The following TTC12 variants were observed in gnomAD, a reference collection of about 807,000 sequenced individuals.
The protein encoded by TTC12 is tetratricopeptide repeat domain 12.
A neutral mutation model predicts 90.1 loss-of-function variants in TTC12; 70 were observed. The ratio of observed to expected loss-of-function variants is 0.78; its 90% CI spans 0.64 to 0.95. The LOEUF (loss-of-function observed/expected upper bound fraction) is 0.95, where lower values mean the gene tolerates loss of function less well. Among genes scored for constraint, TTC12 ranks in the 40% least tolerant of loss-of-function variants. TTC12 has a pLI of 0.00. For missense variants in TTC12, 819 were observed against 846.1 expected (o/e 0.97, Z 0.40); for synonymous variants, 296 against 311.5 (o/e 0.95, Z 0.53).
At chr11:113,365,452 C>G (rs1022953533) in intron 21 of TTC12, 2 of 227,232 alleles carry the variant, frequency 8.8e-6, no homozygotes, top group African/African-American at 4.4e-5. Flanking sequence ...CAGAAACAGA[C>G]CCCCCACTTC....
rs781864891 is a variant in TTC12, at chr11:113,338,801, GA to G, written c.607del (p.Ile203Ter). On this transcript the variant is annotated frameshift_variant, in exon 9 of 22. Transcript: ENST00000529221. LOFTEE classifies it high-confidence loss of function. ...TAGAGAGTGTTATAAGAAGATCTTA[GA>G]AATAAACCCCAAGCTGCAAACCCAG... The part of the protein sequence containing the change: ...VSRECYKKIL[E>X]INPKLQTQVK... 2 of 1,614,002 alleles carry G rather than the reference GA, an allele frequency of 1.2e-6. No homozygotes were observed. Among genetic ancestry groups the G allele is most frequent in the Non-Finnish European group, 1.7e-6 (2 of 1,179,912 alleles).
intron 16 of TTC12, among the ~76,000 whole-genome samples, chr11:113,358,737 C>T (rs1949758766): frequency 6.6e-6 from 1 of 152,164 alleles, no homozygotes; most frequent in Admixed American, 6.5e-5. Flanking sequence ...AGCAGCTCTC[C>T]CTGACAACTC....
chr11:113,339,230 G>A (rs940226691), intron 9 of TTC12, 56 bp from the exon 10 acceptor site: 2 of 1,444,886 alleles, frequency 1.4e-6, no homozygotes, highest in East Asian at 2.3e-5. Context: ...GTTGCTTCTT[G>A]TGTGGTATTG....
At chr11:113,321,618 A>G (rs1158069380) in intron 2 of TTC12, among the ~76,000 whole-genome samples, 1 of 152,262 alleles carries the variant, frequency 6.6e-6, no homozygotes, top group African/African-American at 2.4e-5. Context: ...AAGAATGGTT[A>G]CAAATTCCTT....
intron 19 of TTC12, among the ~76,000 whole-genome samples, chr11:113,363,172 G>T (rs1029671991): frequency 6.6e-6 from 1 of 152,190 alleles, no homozygotes; most frequent in African/African-American, 2.4e-5. Context: ...CATGCTCTGC[G>T]GGCTGCTGCT....
Position 113,342,929 on chromosome 11 carries a change from A to G in TTC12, c.985+1004A>G, listed in dbSNP as rs1273538862. On this transcript the variant is annotated intron_variant, in intron 12 of 21. Transcript: ENST00000529221. ...TATGTCTACTCAGTGTGAATCTGAC[A>G]TAACAATCTGTTTACTCTTTCTGTG... 5.9e-5 allele frequency among the ~76,000 whole-genome samples: 9 copies of G among 152,222 alleles called. No individual in the cohort carries two copies. The South Asian group carries it at 6.2e-4, about 10-fold the overall frequency.
At chr11:113,351,444 C>T in intron 15 of TTC12, 145 bp downstream of exon 15, 1 of 745,482 alleles carries the variant, frequency 1.3e-6, no homozygotes, top group East Asian at 2.7e-5. Context: ...ACACAATTCT[C>T]AGTTATTGAA....
chr11:113,340,849 T>A, intron 11 of TTC12, 116 bp downstream of exon 11: 1 of 849,308 alleles, frequency 1.2e-6, no homozygotes, highest in Non-Finnish European at 2.0e-6. Flanking sequence ...CCCCCTTCAG[T>A]CAGTAGTGGG....
At chr11:113,325,468 T>A in intron 5 of TTC12, 56 bp from the exon 6 acceptor site, 1 of 1,598,686 alleles carries the variant, frequency 6.3e-7, no homozygotes, top group Non-Finnish European at 8.5e-7. Context: ...GAATAAAGTC[T>A]GAGAGATTTT....
chr11:113,337,767 G>A (rs77173530), intron 8 of TTC12, among the ~76,000 whole-genome samples: 3,277 of 152,294 alleles, frequency 0.022, 112 homozygotes, highest in African/African-American at 0.071. Context: ...CAGAGAATGA[G>A]TGATAAGGCT....
chr11:113,329,537 C>G, intron 6 of TTC12: 2 of 459,194 alleles, frequency 4.4e-6, no homozygotes, highest in South Asian at 3.1e-5. Flanking sequence ...TTCTCCTGGC[C>G]TTCGGCTCTG....
Position 113,344,452 on chromosome 11 carries a change from C to T in TTC12, c.1154+12C>T, listed in dbSNP as rs781963423. The T allele has an allele frequency of 3.1e-6, 5 of 1,608,128 alleles. No individual in the cohort carries two copies. Among genetic ancestry groups the T allele is most frequent in the Non-Finnish European group, 4.3e-6 (5 of 1,176,118 alleles). On this transcript the variant is annotated intron_variant, in intron 13 of 21. Transcript: ENST00000529221. ...CTTGACCTGACCAGGTAAGCCTCTG[C>T]TGGCAGGATCTTCCTGGGACATCTC...
In TTC12 at chr11:113,366,357, C is replaced by A; in HGVS notation, c.*57C>A. On this transcript the variant is annotated 3_prime_UTR_variant, in exon 22 of 22. Transcript: ENST00000529221. ...ACACAGATGCACACCGTGTGTTGTT[C>A]CTATGCTAATAAAGACCTTTGATGT... 1 of 1,607,224 alleles carries A rather than the reference C, an allele frequency of 6.2e-7. No individual in the cohort carries two copies. Among genetic ancestry groups the A allele is most frequent in the South Asian group, 1.1e-5 (1 of 90,872 alleles).
intron 16 of TTC12, among the ~76,000 whole-genome samples, chr11:113,358,863 AC>A (rs1555153525): frequency 6.6e-6 from 1 of 151,990 alleles, no homozygotes; most frequent in East Asian, 1.9e-4. Flanking sequence ...GCCTTTGGGG[AC>A]CAAGAACAAG....
At chr11:113,370,468 G>A (rs145876735), downstream of TTC12, among the ~76,000 whole-genome samples, 310 of 152,350 alleles carry the variant, frequency 2.0e-3, 1 homozygote, top group African/African-American at 6.9e-3. Context: ...CCACATGCCA[G>A]CCAAGCACTG....
chr11:113,353,781 G>A (rs531158956), intron 16 of TTC12, among the ~76,000 whole-genome samples: 123 of 152,164 alleles, frequency 8.1e-4, no homozygotes, highest in Non-Finnish European at 1.5e-3. Context: ...TTAGGTATGC[G>A]GTCTTATTTC....
At chr11:113,332,432 G>A (rs536215132) in intron 7 of TTC12, among the ~76,000 whole-genome samples, 3 of 152,206 alleles carry the variant, frequency 2.0e-5, no homozygotes, top group South Asian at 2.1e-4. Flanking sequence ...GGTTTCCCCC[G>A]CCTGCTGTAA....
chr11:113,362,271 C>T (rs1422448921), intron 18 of TTC12, 130 bp from the exon 19 acceptor site: 2 of 644,140 alleles, frequency 3.1e-6, no homozygotes, highest in Non-Finnish European at 5.5e-6. Context: ...TATTATTTGG[C>T]CATCATATTT....
At chr11:113,341,455 G>A (rs951913657) in intron 11 of TTC12, among the ~76,000 whole-genome samples, 2 of 152,172 alleles carry the variant, frequency 1.3e-5, no homozygotes, top group Admixed American at 1.3e-4. Flanking sequence ...GACCTGTATG[G>A]TAGGATGCAG....
Sources: gnomAD v4.1 joint callset for allele counts (sites outside exome capture counted in the v4.1 genomes callset) on GRCh38, gnomAD v4.1.1 for gene constraint, MANE v1.5 for transcripts, NCBI Gene and HGNC (gene_info 2026-07-23, HGNC 2026-07-21) for gene names.